Variants in CDK14 observed in about 807,000 individuals in gnomAD.
CDK14 encodes the protein cyclin dependent kinase 14.
In CDK14, 34 loss-of-function variants were observed where a neutral mutation model predicts 60.7. That is an observed-to-expected ratio of 0.56 (90% CI 0.43 to 0.75). The LOEUF is 0.75. Ranked by LOEUF, CDK14 falls within the 30% of genes least tolerant of loss-of-function variation. CDK14 has a pLI of 0.00. For missense variants in CDK14, 482 were observed against 564.1 expected, an observed-to-expected ratio of 0.85 and a Z score of 1.47; for synonymous variants, 197 against 203.7, an observed-to-expected ratio of 0.97 and a Z score of 0.28.
At chr7:91,177,507 A>T (rs1801814592) in intron 14 of CDK14, among the ~76,000 whole-genome samples, 1 of 152,046 alleles carries the variant, frequency 6.6e-6, no homozygotes, top group African/African-American at 2.4e-5. Flanking sequence ...TTAGGAAAAG[A>T]GGAAGTCAGA....
At chr7:90,795,458 A>G (rs930993379) in intron 5 of CDK14, among the ~76,000 whole-genome samples, 27 of 150,450 alleles carry the variant, frequency 1.8e-4, no homozygotes, top group Non-Finnish European at 3.1e-4. Context: ...ACATATAGAT[A>G]TAAATTAATA....
chr7:91,044,686 T>A (rs1279863683), intron 10 of CDK14, among the ~76,000 whole-genome samples: 2 of 152,170 alleles, frequency 1.3e-5, no homozygotes, highest in East Asian at 3.9e-4. Context: ...TTTACACCTC[T>A]CATAATATCT....
intron 14 of CDK14, among the ~76,000 whole-genome samples, chr7:91,174,326 T>C (rs374587900): frequency 7.9e-5 from 12 of 151,398 alleles, no homozygotes; most frequent in South Asian, 4.2e-4. Flanking sequence ...TCATCAAAGA[T>C]CAAAAGTAGA....
At chr7:90,608,515 C>G (rs1415101962) in intron 2 of CDK14, 1 of 980,042 alleles carries the variant, frequency 1.0e-6, no homozygotes. Flanking sequence ...TCTGCTTTAT[C>G]CCTCTGTTTT....
At chr7:91,008,872 A>G (rs888769574) in intron 10 of CDK14, among the ~76,000 whole-genome samples, 2 of 152,150 alleles carry the variant, frequency 1.3e-5, no homozygotes, top group African/African-American at 4.8e-5. Context: ...TAATTGACAT[A>G]CTGTAAATTG....
Position 90,901,222 on chromosome 7 carries a change from A to C in CDK14, c.702+1869A>C, listed in dbSNP as rs149831158. Reference sequence around the variant, plus strand: ...TCCAGGTTGCACCATGGTGATAAACAAGGTTTAACACTGCAGGACTTGGTG... The same window carrying C: ...TCCAGGTTGCACCATGGTGATAAACCAGGTTTAACACTGCAGGACTTGGTG... On this transcript the variant is annotated intron_variant, in intron 7 of 14. Coordinates refer to ENST00000380050, the MANE Select transcript of CDK14 (RefSeq NM_001287135.2). 2.6e-5 allele frequency among the ~76,000 whole-genome samples: 4 copies of C among 152,282 alleles called. No homozygotes were observed. In the East Asian group the frequency reaches 7.8e-4, roughly 30 times the overall value.
chr7:90,677,662 CT>C (rs1449081723), intron 2 of CDK14, among the ~76,000 whole-genome samples: 1 of 149,648 alleles, frequency 6.7e-6, no homozygotes, highest in Non-Finnish European at 1.5e-5. Flanking sequence ...TTTTTTTCCC[CT>C]TGTGAATAGG....
At chr7:90,732,380 T>A (rs554813896) in intron 3 of CDK14, among the ~76,000 whole-genome samples, 15 of 152,346 alleles carry the variant, frequency 9.8e-5, no homozygotes, top group African/African-American at 3.4e-4. Context: ...GGATTCCCTC[T>A]TTTTCTGTTG....
intron 10 of CDK14, among the ~76,000 whole-genome samples, chr7:91,008,136 AAAAAAAAAACAAAC>A (rs1049251530): frequency 1.4e-5 from 2 of 140,516 alleles, no homozygotes; most frequent in African/African-American, 2.7e-5. Context: ...CCAAAAAAAA[AAAAAAAAAACAAAC>A]AAAAAAAAAC....
At chr7:90,812,730 C>G (rs897297289) in intron 5 of CDK14, among the ~76,000 whole-genome samples, 1 of 152,118 alleles carries the variant, frequency 6.6e-6, no homozygotes, top group Non-Finnish European at 1.5e-5. Flanking sequence ...TTACTGCACA[C>G]CCAGTATAAC....
intron 12 of CDK14, among the ~76,000 whole-genome samples, chr7:91,080,917 A>T (rs1798467632): frequency 6.6e-6 from 1 of 152,226 alleles, no homozygotes. Flanking sequence ...TAATAAACTG[A>T]GTCCCACCAT....
chr7:90,775,022 T>A (rs1440190605), intron 4 of CDK14, among the ~76,000 whole-genome samples: 1 of 152,226 alleles, frequency 6.6e-6, no homozygotes, highest in East Asian at 1.9e-4. Flanking sequence ...GCATCTCATT[T>A]CACTGCTTTG....
At chr7:90,610,958 C>T (rs535485106) in intron 2 of CDK14, among the ~76,000 whole-genome samples, 2 of 152,212 alleles carry the variant, frequency 1.3e-5, no homozygotes, top group East Asian at 3.9e-4. Flanking sequence ...GTTAGGTGTC[C>T]ACTCCCTGTC....
intron 9 of CDK14, among the ~76,000 whole-genome samples, chr7:90,973,177 C>T (rs979532403): frequency 2.0e-5 from 3 of 152,132 alleles, no homozygotes; most frequent in Admixed American, 6.6e-5. Context: ...AAGGTTTCAA[C>T]AATGCAGATG....
At chr7:90,992,431 A>G (rs890261727) in intron 10 of CDK14, among the ~76,000 whole-genome samples, 1 of 152,212 alleles carries the variant, frequency 6.6e-6, no homozygotes, top group Non-Finnish European at 1.5e-5. Context: ...ACTCTGGGCT[A>G]AATAATCTTT....
intron 4 of CDK14, among the ~76,000 whole-genome samples, chr7:90,770,059 C>T (rs73395678): frequency 4.6e-4 from 70 of 152,306 alleles, no homozygotes; most frequent in African/African-American, 1.5e-3. Flanking sequence ...ATTACTGAAT[C>T]GCTTCTTGGT....
At chr7:90,938,517 A>G (rs1793820929) in intron 8 of CDK14, among the ~76,000 whole-genome samples, 1 of 152,238 alleles carries the variant, frequency 6.6e-6, no homozygotes, top group Non-Finnish European at 1.5e-5. Context: ...ACCCAAATTT[A>G]TTACTTCACA....
At chr7:90,951,034 A>G (rs1433054116) in intron 8 of CDK14, among the ~76,000 whole-genome samples, 1 of 152,204 alleles carries the variant, frequency 6.6e-6, no homozygotes, top group Non-Finnish European at 1.5e-5. Context: ...AATTATATCA[A>G]AAATGAGATT....
intron 13 of CDK14, among the ~76,000 whole-genome samples, chr7:91,116,712 T>C (rs943263914): frequency 3.3e-5 from 5 of 152,104 alleles, no homozygotes; most frequent in African/African-American, 1.2e-4. Context: ...TCTCTATCCA[T>C]TGGTCTTTTC....
Sources: allele counts gnomAD v4.1 joint callset (sites outside exome capture counted in the v4.1 genomes callset), GRCh38; gene constraint gnomAD v4.1.1; transcripts MANE v1.5; gene names NCBI Gene and HGNC (gene_info 2026-07-23, HGNC 2026-07-21).